Variants in RPGRIP1L observed in about 807,000 individuals in gnomAD.
RPGRIP1L encodes the protein protein fantom.
Under a neutral mutation model 160.4 loss-of-function variants are expected in RPGRIP1L, and 131 were observed. The ratio of observed to expected loss-of-function variants is 0.82; its 90% CI spans 0.71 to 0.94. RPGRIP1L has a LOEUF of 0.94. Ranked by LOEUF, RPGRIP1L falls within the 40% of genes least tolerant of loss-of-function variation. RPGRIP1L has a pLI of 0.00. For missense variants in RPGRIP1L, 1,522 were observed against 1,535.8 expected, an observed-to-expected ratio of 0.99 and a Z score of 0.15; for synonymous variants, 510 against 515.8, an observed-to-expected ratio of 0.99 and a Z score of 0.15.
At chr16:53,609,842 G>A (rs1963916603) in intron 25 of RPGRIP1L, among the ~76,000 whole-genome samples, 1 of 152,110 alleles carries the variant, frequency 6.6e-6, no homozygotes, top group South Asian at 2.1e-4. Flanking sequence ...TGAAAGAATA[G>A]TGATAAAGCT....
chr16:53,684,947 T>C (rs192805288), intron 6 of RPGRIP1L, among the ~76,000 whole-genome samples: 42 of 152,056 alleles, frequency 2.8e-4, no homozygotes, highest in Non-Finnish European at 3.4e-4. Flanking sequence ...GGGAGAAAAT[T>C]TCTGCAATCT....
At chr16:53,689,882 G>A (rs922061108) in intron 4 of RPGRIP1L, among the ~76,000 whole-genome samples, 1 of 152,206 alleles carries the variant, frequency 6.6e-6, no homozygotes, top group Admixed American at 6.5e-5. Context: ...ATCACCAAGA[G>A]AGTACAAATG....
intron 9 of RPGRIP1L, among the ~76,000 whole-genome samples, chr16:53,667,753 A>G (rs1453521372): frequency 6.6e-6 from 1 of 152,074 alleles, no homozygotes; most frequent in Non-Finnish European, 1.5e-5. Flanking sequence ...AACACATGTA[A>G]TCCCAGCTAC....
chr16:53,688,500 C>T (rs1970170801), intron 4 of RPGRIP1L, among the ~76,000 whole-genome samples: 1 of 151,946 alleles, frequency 6.6e-6, no homozygotes, highest in Non-Finnish European at 1.5e-5. Context: ...TTAAATAAAA[C>T]ATTTCCCTGC....
Position 53,652,959 on chromosome 16 carries a change from G to A in RPGRIP1L, c.1728C>T (p.Thr576=). 1 of 1,613,564 alleles carries A rather than the reference G, an allele frequency of 6.2e-7. No homozygotes were observed. The highest frequency in any genetic ancestry group is 8.5e-7 in the Non-Finnish European group (1 of 1,179,766). Residue 576 remains threonine, a synonymous_variant, in exon 15 of 27, where the codon ACC becomes ACT. Transcript: ENST00000647211. ...EAQLKDIAYG[T]KQYKFKPEIM... ...TTTCTGGTTTAAATTTGTACTGCTT[G>A]GTGCCATAGGCAATATCCTTTAATT... is the stretch of plus-strand genomic sequence containing the variant.
chr16:53,603,504 T>C (rs1271676753), intron 26 of RPGRIP1L, among the ~76,000 whole-genome samples: 1 of 152,046 alleles, frequency 6.6e-6, no homozygotes, highest in East Asian at 1.9e-4. Context: ...AACTTATATA[T>C]TTTCTTGTAG....
chr16:53,606,201 A>G (rs1395628295), intron 25 of RPGRIP1L, among the ~76,000 whole-genome samples: 1 of 152,238 alleles, frequency 6.6e-6, no homozygotes, highest in Non-Finnish European at 1.5e-5. Flanking sequence ...ACTTACAATC[A>G]TAGCATCCAA....
chr16:53,680,772 G>A (rs1235493662), intron 6 of RPGRIP1L, among the ~76,000 whole-genome samples: 1 of 151,940 alleles, frequency 6.6e-6, no homozygotes, highest in Non-Finnish European at 1.5e-5. Context: ...TGCACCTAAT[G>A]GGAGTAAGGA....
At chr16:53,688,506 C>T (rs954487988) in intron 4 of RPGRIP1L, among the ~76,000 whole-genome samples, 3 of 151,874 alleles carry the variant, frequency 2.0e-5, no homozygotes, top group Admixed American at 6.6e-5. Context: ...AAAACATTTC[C>T]CTGCTGCACT....
intron 6 of RPGRIP1L, among the ~76,000 whole-genome samples, chr16:53,683,093 T>A (rs1277324552): frequency 6.6e-6 from 1 of 152,112 alleles, no homozygotes; most frequent in Admixed American, 6.6e-5. Flanking sequence ...ACTTTTTTTT[T>A]AACAAGTCTG....
intron 4 of RPGRIP1L, among the ~76,000 whole-genome samples, chr16:53,690,634 T>G (rs1313103512): frequency 6.6e-6 from 1 of 152,184 alleles, no homozygotes; most frequent in Non-Finnish European, 1.5e-5. Context: ...GAACATTATT[T>G]TTATTTAGTA....
intron 10 of RPGRIP1L, among the ~76,000 whole-genome samples, chr16:53,660,868 G>A (rs1967729993): frequency 6.7e-6 from 1 of 149,656 alleles, no homozygotes. Context: ...ACTCCAGCCT[G>A]GGCAATAGAG....
chr16:53,699,817 CAAAAAAA>C (rs71146704), intron 2 of RPGRIP1L, among the ~76,000 whole-genome samples: 4 of 94,620 alleles, frequency 4.2e-5, no homozygotes, highest in African/African-American at 1.0e-4. Context: ...GACTTCGTCT[CAAAAAAA>C]AAAAAAAAAA....
chr16:53,666,818 G>C (rs779551852), intron 9 of RPGRIP1L, among the ~76,000 whole-genome samples: 4 of 152,062 alleles, frequency 2.6e-5, no homozygotes, highest in Non-Finnish European at 5.9e-5. Flanking sequence ...TTTAAATTAA[G>C]AACAATTTAG....
chr16:53,627,457 A>C (rs977634871), intron 22 of RPGRIP1L, among the ~76,000 whole-genome samples: 4 of 152,186 alleles, frequency 2.6e-5, no homozygotes, highest in Non-Finnish European at 5.9e-5. Context: ...AGATGTTACC[A>C]TTTTTCTATA....
In RPGRIP1L at chr16:53,605,561, C is replaced by T. The variant is rs1963629116; in HGVS notation, c.3755G>A (p.Cys1252Tyr). 6.2e-7 allele frequency: 1 copy of T among 1,614,164 alleles called. No homozygotes were observed. The highest frequency in any genetic ancestry group is 2.2e-5 in the East Asian group (1 of 44,872). The change falls in exon 26 of 27, where the codon TGT (cysteine) becomes TAT (tyrosine). Residue 1252 changes from cysteine to tyrosine, a missense_variant. Transcript: ENST00000647211. ...DPPEDEQDLECEDIGVAHVDL... is the reference protein window; with the variant it reads ...DPPEDEQDLEYEDIGVAHVDL... Reference sequence around the variant, plus strand: ...GACGTGAGCCACGCCAATGTCCTCACACTCCAGGTCCTGCTCGTCCTCTGG... The same window carrying T: ...GACGTGAGCCACGCCAATGTCCTCATACTCCAGGTCCTGCTCGTCCTCTGG...
intron 24 of RPGRIP1L, among the ~76,000 whole-genome samples, chr16:53,617,101 C>T (rs1964430954): frequency 1.4e-5 from 1 of 72,306 alleles, no homozygotes; most frequent in East Asian, 4.2e-4. Context: ...AAAAAAAAAG[C>T]ACAACTAACA....
At chr16:53,652,475 A>T in intron 15 of RPGRIP1L, 60 bp downstream of exon 15, 1 of 1,300,206 alleles carries the variant, frequency 7.7e-7, no homozygotes, top group Non-Finnish European at 1.1e-6. Flanking sequence ...GTAGAGTACC[A>T]TAACGATATA....
rs34373919 is a variant in RPGRIP1L at position 53,636,941 on chromosome 16, G to GACACAC, written c.3221-435_3221-430dup. 2.5e-3 allele frequency among the ~76,000 whole-genome samples: 355 copies of GACACAC among 142,224 alleles called. 1 individual carries two copies. Among genetic ancestry groups the GACACAC allele is most frequent in the East Asian group, 4.0e-3 (19 of 4,780 alleles). 93.3% of individuals were successfully genotyped at this position (142,224 alleles called of 152,430 possible). ...TACACACAATTAAACTGCAATATTTGACACACACACACACACACACACACA... is the reference window on the plus strand; with the variant it reads ...TACACACAATTAAACTGCAATATTTGACACACACACACACACACACACACACACACA... On this transcript the variant is annotated intron_variant, in intron 21 of 26. Coordinates refer to ENST00000647211, the MANE Select transcript of RPGRIP1L (RefSeq NM_015272.5).
Sources: gnomAD v4.1 joint callset for allele counts (sites outside exome capture counted in the v4.1 genomes callset) on GRCh38, gnomAD v4.1.1 for gene constraint, MANE v1.5 for transcripts, NCBI Gene and HGNC (gene_info 2026-07-23, HGNC 2026-07-21) for gene names.